Variants in TXK observed in about 807,000 individuals in gnomAD.
The protein encoded by TXK is tyrosine-protein kinase TXK.
Under a neutral mutation model 81.0 loss-of-function variants are expected in TXK, and 60 were observed. The observed-to-expected ratio is 0.74, with a 90% CI of 0.60 to 0.92. The LOEUF (loss-of-function observed/expected upper bound fraction) is 0.92. TXK is among the 40% of genes least tolerant of loss of function. TXK has a pLI of 0.00. For missense variants in TXK, 581 were observed against 638.3 expected, an observed-to-expected ratio of 0.91 and a Z score of 0.97; for synonymous variants, 203 against 210.7, an observed-to-expected ratio of 0.96 and a Z score of 0.32.
At chr4:48,128,660 G>T (rs537158857) in intron 1 of TXK, among the ~76,000 whole-genome samples, 9 of 149,884 alleles carry the variant, frequency 6.0e-5, no homozygotes, top group African/African-American at 2.2e-4. Flanking sequence ...CTGCTCCCGG[G>T]TTCACGCCAT....
intron 6 of TXK, among the ~76,000 whole-genome samples, chr4:48,103,088 A>G (rs1718262729): frequency 1.3e-5 from 2 of 152,188 alleles, no homozygotes; most frequent in Admixed American, 6.6e-5. Flanking sequence ...AATATTTGCC[A>G]TATCTGGGTT....
chr4:48,104,228 T>TAA lies in TXK; in HGVS notation c.501+672_501+673insTT, dbSNP rs1491186050. On this transcript the variant is annotated intron_variant, in intron 6 of 14. Coordinates refer to ENST00000264316, the MANE Select transcript of TXK (RefSeq NM_003328.3). ...AAAATATATATATATATATTATATA[T>TAA]TATATTATATATAATATATATTTTA... Among the ~76,000 whole-genome samples the TAA allele has an allele frequency of 2.9e-5, 2 of 68,602 alleles. 1 individual carries two copies. The highest frequency in any genetic ancestry group is 1.4e-4 in the African/African-American group (2 of 13,966). The allele number at this position is 68,602 out of a possible 152,430, so 45.0% of individuals were successfully genotyped here.
intron 14 of TXK, among the ~76,000 whole-genome samples, chr4:48,069,477 C>T (rs1157849937): frequency 6.6e-6 from 1 of 151,822 alleles, no homozygotes; most frequent in East Asian, 1.9e-4. Context: ...AGGTGCCCGC[C>T]ACCATGCCCA....
chr4:48,095,880 C>T (rs1717959822), intron 6 of TXK, among the ~76,000 whole-genome samples: 2 of 152,134 alleles, frequency 1.3e-5, no homozygotes, highest in African/African-American at 4.8e-5. Context: ...AAATTGCTTT[C>T]AAAGAATCTT....
chr4:48,084,986 G>C (rs1309440541), intron 10 of TXK, among the ~76,000 whole-genome samples: 1 of 152,178 alleles, frequency 6.6e-6, no homozygotes, highest in Non-Finnish European at 1.5e-5. Context: ...GTGCGGGTCA[G>C]AACTAAATTT....
At chr4:48,115,027 T>C (rs1345227120) in intron 1 of TXK, among the ~76,000 whole-genome samples, 1 of 122,718 alleles carries the variant, frequency 8.1e-6, no homozygotes, top group East Asian at 3.0e-4. Flanking sequence ...TGGTATTTCT[T>C]TCTTTCTTTT....
intron 1 of TXK, among the ~76,000 whole-genome samples, chr4:48,115,206 C>G (rs540989838): frequency 6.4e-4 from 97 of 152,140 alleles, no homozygotes; most frequent in African/African-American, 1.7e-3. Context: ...CCCTTGCCCT[C>G]CACCCCACAA....
At chr4:48,096,328 T>A (rs1717978316) in intron 6 of TXK, among the ~76,000 whole-genome samples, 1 of 152,224 alleles carries the variant, frequency 6.6e-6, no homozygotes, top group Admixed American at 6.5e-5. Context: ...TGTGTATATG[T>A]ATATAATACA....
intron 1 of TXK, among the ~76,000 whole-genome samples, chr4:48,117,411 G>A (rs1006222876): frequency 1.3e-5 from 2 of 152,156 alleles, no homozygotes; most frequent in African/African-American, 4.8e-5. Flanking sequence ...TTTAAACAAA[G>A]TCCTCTTTGC....
intron 9 of TXK, among the ~76,000 whole-genome samples, chr4:48,088,791 A>G (rs529912627): frequency 6.6e-6 from 1 of 152,322 alleles, no homozygotes; most frequent in African/African-American, 2.4e-5. Context: ...GGCACCAATA[A>G]TAGCCAGAAA....
rs768084594 is a variant in TXK, at chr4:48,080,024, T to G, written c.1061A>C (p.Tyr354Ser). Residue 354 changes from tyrosine to serine, a missense_variant, in exon 11 of 15, where the codon TAT (tyrosine) becomes TCT (serine). Tyr to Ser is a moderately radical substitution (Grantham distance 144). Coordinates refer to ENST00000264316, the MANE Select transcript of TXK (RefSeq NM_003328.3). ...AAGCTTTCCTTTATTCTCCCTGAGA[T>G]AGTTAAGCAGGCAGCCATTTTCCAT... Reference protein sequence around the residue: ...EFMENGCLLNYLRENKGKLRK... With the variant: ...EFMENGCLLNSLRENKGKLRK... The G allele has an allele frequency of 3.0e-5, 48 of 1,613,982 alleles. No individual in the cohort carries two copies. Among genetic ancestry groups the G allele is most frequent in the Non-Finnish European group, 3.6e-5 (43 of 1,179,988 alleles).
chr4:48,114,558 C>A, intron 1 of TXK, 156 bp from the exon 2 acceptor site: 1 of 732,292 alleles, frequency 1.4e-6, no homozygotes, highest in Admixed American at 2.6e-5. Flanking sequence ...GTCACTAAAG[C>A]AAAAAATAAG....
chr4:48,080,150 C>T (rs1011737177), intron 10 of TXK, 22 bp from the exon 11 acceptor site: 1 of 1,565,646 alleles, frequency 6.4e-7, no homozygotes, highest in African/African-American at 1.4e-5. Context: ...AAACATACAC[C>T]AGTGAGCAGA....
chr4:48,107,899 T>TA (rs57715867), intron 5 of TXK, among the ~76,000 whole-genome samples: 3,757 of 128,120 alleles, frequency 0.029, 214 homozygotes, highest in African/African-American at 0.079. Context: ...TGTCTCTACT[T>TA]AAAAAAAAAA....
chr4:48,109,362 A>G (rs1334832182), intron 5 of TXK: 1 of 152,060 alleles, frequency 6.6e-6, no homozygotes, highest in Non-Finnish European at 1.5e-5. Flanking sequence ...TGCCATGCTA[A>G]TCTTCTCTGT....
At chr4:48,090,774 T>C (rs1040884070) in intron 8 of TXK, among the ~76,000 whole-genome samples, 1 of 152,106 alleles carries the variant, frequency 6.6e-6, no homozygotes, top group Admixed American at 6.5e-5. Flanking sequence ...TAGATAATGA[T>C]GATTAAGTGC....
chr4:48,130,402 C>T (rs1247821067), intron 1 of TXK, among the ~76,000 whole-genome samples: 1 of 152,110 alleles, frequency 6.6e-6, no homozygotes, highest in African/African-American at 2.4e-5. Flanking sequence ...CACTTCTAAG[C>T]GAATTCCAAG....
chr4:48,101,585 T>A (rs1016292445), intron 6 of TXK, among the ~76,000 whole-genome samples: 3 of 152,040 alleles, frequency 2.0e-5, no homozygotes. Context: ...CAGGTGTATT[T>A]TTAAAATAAA....
At chr4:48,098,177 T>C (rs1198323436) in intron 6 of TXK, among the ~76,000 whole-genome samples, 1 of 152,144 alleles carries the variant, frequency 6.6e-6, no homozygotes, top group Non-Finnish European at 1.5e-5. Context: ...TTTCAGTTTG[T>C]ATGTAAAAAA....
Sources: gnomAD v4.1 joint callset for allele counts (sites outside exome capture counted in the v4.1 genomes callset) on GRCh38, gnomAD v4.1.1 for gene constraint, MANE v1.5 for transcripts, NCBI Gene and HGNC (gene_info 2026-07-23, HGNC 2026-07-21) for gene names.